The following SPRY3 variants were observed in gnomAD, a reference collection of about 807,000 sequenced individuals.
SPRY3 encodes protein sprouty homolog 3.
In SPRY3, 15 loss-of-function variants were observed where a neutral mutation model predicts 20.2. The observed-to-expected ratio is 0.74, with a 90% CI of 0.50 to 1.14. The LOEUF (loss-of-function observed/expected upper bound fraction) is 1.14. SPRY3 is among the 50% of genes most tolerant of loss of function. The pLI is 0.00. For synonymous variants in SPRY3, 143 were observed against 136.5 expected (o/e 1.05, Z -0.33); for missense variants, 364 against 363.9 (o/e 1.00, Z 0.00).
rs760037946 is a variant in SPRY3, at chrX:155,741,003, C to G, written c.-281-26959C>G. ...CGACACTTATGGAAAATAGAAAGAA[C>G]CTATGTTGAAATATTGGGGGTGGGT... On this transcript the variant is annotated intron_variant, in intron 2 of 3. Transcript: ENST00000675360. Among the ~76,000 whole-genome samples the G allele has an allele frequency of 1.4e-4, 21 of 152,112 alleles. 1 individual carries two copies. Among genetic ancestry groups the G allele is most frequent in the African/African-American group, 4.8e-4 (20 of 41,510 alleles).
At chrX:155,713,683 G>C (rs1331083117) in intron 2 of SPRY3, among the ~76,000 whole-genome samples, 2 of 151,932 alleles carry the variant, frequency 1.3e-5, no homozygotes, top group South Asian at 2.1e-4. Flanking sequence ...TAGTCTTTGG[G>C]TTAAATCTGC....
intron 2 of SPRY3, among the ~76,000 whole-genome samples, chrX:155,697,522 CAT>C (rs1557356198): frequency 4.0e-4 from 40 of 99,312 alleles, no homozygotes; most frequent in Non-Finnish European, 5.6e-4. Context: ...CACACACACA[CAT>C]ATATATATAT....
At chrX:155,642,198 T>G (rs890823794) in intron 1 of SPRY3, among the ~76,000 whole-genome samples, 2 of 111,752 alleles carry the variant, frequency 1.8e-5, no homozygotes, top group African/African-American at 3.3e-5. Context: ...GTTTTGGATA[T>G]CCTTATCACT....
chrX:155,646,616 G>A (rs1269062213), intron 1 of SPRY3, among the ~76,000 whole-genome samples: 18 of 111,189 alleles, frequency 1.6e-4, no homozygotes, highest in African/African-American at 5.9e-4. Context: ...GTGTAGAAAT[G>A]TAACTTTTTT....
At chrX:155,710,235 C>A (rs1027225205) in intron 2 of SPRY3, among the ~76,000 whole-genome samples, 1 of 151,614 alleles carries the variant, frequency 6.6e-6, no homozygotes, top group East Asian at 1.9e-4. Context: ...TGCATTGAAT[C>A]TGTAGATTGC....
At chrX:155,739,027 T>G (rs1453296834) in intron 2 of SPRY3, among the ~76,000 whole-genome samples, 3 of 152,160 alleles carry the variant, frequency 2.0e-5, no homozygotes, top group Admixed American at 2.0e-4. Context: ...GGCAGCAGGC[T>G]GGAGACAGCC....
chrX:155,663,568 A>T (rs1557353939), intron 2 of SPRY3, among the ~76,000 whole-genome samples: 1 of 111,680 alleles, frequency 9.0e-6, no homozygotes, highest in Non-Finnish European at 1.9e-5. Context: ...CAGTTTCTTT[A>T]AAATGGAGCT....
intron 2 of SPRY3, among the ~76,000 whole-genome samples, chrX:155,709,390 T>A (rs991197206): frequency 1.3e-5 from 2 of 151,590 alleles, no homozygotes; most frequent in African/African-American, 4.8e-5. Context: ...AGAATGTTGT[T>A]TAGATTTGCA....
rs774435204 is a variant in SPRY3, at chrX:155,680,145, G to GGTGTGTGTGTGTGT, written c.-282+23153_-282+23166dup. Among the ~76,000 whole-genome samples, 492 of 70,346 alleles carry GGTGTGTGTGTGTGT rather than the reference G, an allele frequency of 7.0e-3. 5 individuals carry two copies. The highest frequency in any genetic ancestry group is 0.016 in the East Asian group (35 of 2,142). The allele number at this position is 70,346 out of a possible 115,157, so 61.1% of individuals were successfully genotyped here. ...GAAAGATAAGATTTTAAGCAATGCT[G>GGTGTGTGTGTGTGT]GTGTGTGTGTGTGTGTGTGTGTGTG... On this transcript the variant is annotated intron_variant, in intron 2 of 3. Transcript: ENST00000675360.
At chrX:155,616,132 T>TCTCTCTCTCTCTCTCTCTCTCTC (rs1569562349) in intron 1 of SPRY3, among the ~76,000 whole-genome samples, 47 of 29,695 alleles carry the variant, frequency 1.6e-3, no homozygotes, top group African/African-American at 2.6e-3. Flanking sequence ...CTCTCTCTCC[T>TCTCTCTCTCTCTCTCTCTCTCTC]CTCTCTCTCT....
chrX:155,742,558 T>C (rs1360964943), intron 2 of SPRY3, among the ~76,000 whole-genome samples: 2 of 152,188 alleles, frequency 1.3e-5, no homozygotes, highest in Non-Finnish European at 1.5e-5. Flanking sequence ...CAATGCCACA[T>C]GGCACTTACT....
chrX:155,754,802 AT>A (rs951409800), intron 2 of SPRY3, among the ~76,000 whole-genome samples: 5 of 151,906 alleles, frequency 3.3e-5, no homozygotes, highest in Admixed American at 2.0e-4. Context: ...TATGTCTTGT[AT>A]TTTTTTGTTA....
intron 2 of SPRY3, 114 bp from the exon 2 acceptor site, chrX:155,767,848 G>GTA (rs2091350826): frequency 6.6e-6 from 1 of 152,386 alleles, no homozygotes; most frequent in African/African-American, 2.4e-5. Context: ...AGATCTGCCT[G>GTA]TAAAATCTAT....
chrX:155,755,207 G>A (rs2091279529), intron 2 of SPRY3, among the ~76,000 whole-genome samples: 1 of 145,920 alleles, frequency 6.9e-6, no homozygotes, highest in African/African-American at 2.8e-5. Flanking sequence ...AAAAGTGAAA[G>A]TGAACACATC....
intron 1 of SPRY3, among the ~76,000 whole-genome samples, chrX:155,626,577 C>T (rs782234248): frequency 5.4e-5 from 6 of 111,426 alleles, no homozygotes; most frequent in Admixed American, 3.8e-4. Flanking sequence ...CTATTTTCGC[C>T]TTTTGTTGCT....
At chrX:155,709,859 A>T (rs1264511690) in intron 2 of SPRY3, among the ~76,000 whole-genome samples, 1 of 151,700 alleles carries the variant, frequency 6.6e-6, no homozygotes, top group Admixed American at 6.6e-5. Flanking sequence ...GATGGGTTCT[A>T]GGTTCATTCT....
At chrX:155,638,309 T>TAC (rs2067930333) in intron 1 of SPRY3, among the ~76,000 whole-genome samples, 1 of 129 alleles carries the variant, frequency 7.8e-3, no homozygotes, top group African/African-American at 0.027. Context: ...TATATATATA[T>TAC]ATATATATAT....
chrX:155,751,974 A>AAAAT (rs1397628866), intron 2 of SPRY3, among the ~76,000 whole-genome samples: 3 of 144,562 alleles, frequency 2.1e-5, no homozygotes, highest in African/African-American at 7.8e-5. Flanking sequence ...AAAATAAAAT[A>AAAAT]AAATAAAATA....
chrX:155,631,269 C>T (rs2067905593), intron 1 of SPRY3, among the ~76,000 whole-genome samples: 2 of 112,393 alleles, frequency 1.8e-5, no homozygotes, highest in Admixed American at 1.9e-4. Flanking sequence ...CTCCAAAGGA[C>T]ATAATTTCAT....
Sources: gnomAD v4.1 joint callset for allele counts (sites outside exome capture counted in the v4.1 genomes callset) on GRCh38, gnomAD v4.1.1 for gene constraint, MANE v1.5 for transcripts, NCBI Gene and HGNC (gene_info 2026-07-23, HGNC 2026-07-21) for gene names.